The following CFAP299 variants were observed in gnomAD, a reference collection of about 807,000 sequenced individuals.
The protein encoded by CFAP299 is cilia and flagella associated protein 299.
CFAP299 carries 21 observed loss-of-function variants against 27.0 expected under a neutral mutation model. The ratio of observed to expected loss-of-function variants is 0.78; its 90% CI spans 0.55 to 1.12. The LOEUF (loss-of-function observed/expected upper bound fraction) is 1.12, where lower values mean the gene tolerates loss of function less well. CFAP299 is among the 50% of genes most tolerant of loss of function. The pLI, the probability that CFAP299 is intolerant of heterozygous loss-of-function variation, is 0.00. For synonymous variants in CFAP299, 104 were observed against 98.1 expected, an observed-to-expected ratio of 1.06 and a Z score of -0.36; for missense variants, 310 against 276.6, an observed-to-expected ratio of 1.12 and a Z score of -0.86.
chr4:80,861,558 T>G (rs1222699124), intron 3 of CFAP299, among the ~76,000 whole-genome samples: 2 of 152,288 alleles, frequency 1.3e-5, no homozygotes, highest in Non-Finnish European at 2.9e-5. Flanking sequence ...TCTTGGCTGC[T>G]CTCCAATCAT....
chr4:80,559,403 G>A (rs1048191705), intron 2 of CFAP299, among the ~76,000 whole-genome samples: 3 of 152,106 alleles, frequency 2.0e-5, no homozygotes, highest in African/African-American at 7.2e-5. Flanking sequence ...GAATATAAGG[G>A]AAGAGGTGGA....
At chr4:80,467,679 CTA>C (rs1171687074) in intron 2 of CFAP299, among the ~76,000 whole-genome samples, 1 of 152,162 alleles carries the variant, frequency 6.6e-6, no homozygotes, top group Non-Finnish European at 1.5e-5. Context: ...ATGCTAAGTG[CTA>C]TGATACAGGT....
chr4:80,522,881 T>C (rs908226572), intron 2 of CFAP299, among the ~76,000 whole-genome samples: 1 of 152,134 alleles, frequency 6.6e-6, no homozygotes, highest in Non-Finnish European at 1.5e-5. Flanking sequence ...TCCAGTACCA[T>C]ACTATTTTGA....
chr4:80,375,044 G>T (rs1724334860), intron 2 of CFAP299, among the ~76,000 whole-genome samples: 1 of 152,002 alleles, frequency 6.6e-6, no homozygotes, highest in Non-Finnish European at 1.5e-5. Context: ...TGCTAGAGTG[G>T]CTCCAAGAAA....
chr4:80,469,304 C>A (rs143547182), intron 2 of CFAP299, among the ~76,000 whole-genome samples: 3,183 of 152,264 alleles, frequency 0.021, 58 homozygotes, highest in Admixed American at 0.061. Context: ...GAGTTGACTG[C>A]CAGTGTGCTG....
At chr4:80,510,630 T>C (rs1419125267) in intron 2 of CFAP299, among the ~76,000 whole-genome samples, 1 of 152,172 alleles carries the variant, frequency 6.6e-6, no homozygotes, top group Non-Finnish European at 1.5e-5. Context: ...CAGCCTCTGC[T>C]TCTAGGTACT....
chr4:80,886,654 C>T (rs1733987146), intron 4 of CFAP299, among the ~76,000 whole-genome samples: 1 of 152,128 alleles, frequency 6.6e-6, no homozygotes, highest in Admixed American at 6.5e-5. Flanking sequence ...AAATAATTAA[C>T]TCATCAATGC....
At chr4:80,612,253 A>G (rs1384140274) in intron 3 of CFAP299, among the ~76,000 whole-genome samples, 2 of 151,998 alleles carry the variant, frequency 1.3e-5, no homozygotes, top group Non-Finnish European at 2.9e-5. Context: ...CTTCCTCTTC[A>G]GGAGAAAAAT....
chr4:80,583,247 T>C lies in CFAP299; in HGVS notation c.333+64T>C, dbSNP rs1334343156. On this transcript the variant is annotated intron_variant, in intron 3 of 5. Coordinates refer to ENST00000358105, the MANE Select transcript of CFAP299 (RefSeq NM_152770.3). The stretch of plus-strand genomic sequence containing the variant: ...TAAATGCACAATTAATATTAAAAAA[T>C]GTAACATTAAATATCTTTCTTAAAG... 10 of 899,954 alleles carry C rather than the reference T, an allele frequency of 1.1e-5. No homozygotes were observed. In the African/African-American group the frequency reaches 1.6e-4, roughly 14 times the overall value. 55.7% of individuals were successfully genotyped at this position (899,954 alleles called of 1,614,324 possible).
At chr4:80,443,298 C>T (rs1245233311) in intron 2 of CFAP299, among the ~76,000 whole-genome samples, 5 of 152,142 alleles carry the variant, frequency 3.3e-5, no homozygotes, top group Non-Finnish European at 5.9e-5. Context: ...ACTGGGAAAC[C>T]GAATCCAGCA....
rs184082410 is a variant in CFAP299, at chr4:80,680,217, C to T, written c.333+97034C>T. On this transcript the variant is annotated intron_variant, in intron 3 of 5. Transcript: ENST00000358105. The stretch of plus-strand genomic sequence containing the variant: ...TTTAATTTAGACATCTTTCCAAGAC[C>T]TATTCTAGTGCCTCTTAACCCCCTC... 2.7e-3 allele frequency among the ~76,000 whole-genome samples: 418 copies of T among 152,166 alleles called. 2 individuals carry two copies. The highest frequency in any genetic ancestry group is 4.9e-3 in the Non-Finnish European group (331 of 67,982).
chr4:80,334,166 A>G (rs1284684300), upstream of CFAP299, among the ~76,000 whole-genome samples: 1 of 152,226 alleles, frequency 6.6e-6, no homozygotes, highest in Non-Finnish European at 1.5e-5. Flanking sequence ...AGATTACTTC[A>G]TCAAAGAGAT....
chr4:80,475,065 A>G (rs1730207448), intron 2 of CFAP299, among the ~76,000 whole-genome samples: 2 of 152,068 alleles, frequency 1.3e-5, no homozygotes, highest in South Asian at 4.1e-4. Flanking sequence ...GGAAATAATG[A>G]CTTTGAAGGG....
intron 2 of CFAP299, among the ~76,000 whole-genome samples, chr4:80,503,624 G>A (rs1731847056): frequency 6.6e-6 from 1 of 152,062 alleles, no homozygotes; most frequent in African/African-American, 2.4e-5. Flanking sequence ...TAGGGTTGTT[G>A]TAAGGGTCAA....
In CFAP299 at chr4:80,391,758, A is replaced by G. The variant is rs1471787182; in HGVS notation, c.242+28874A>G. Reference sequence around the variant, plus strand: ...TAAGATGGGACTACTGCTTGATCCCAGGAGTTTGAGACCAGCCTGGGCAAA... The same window carrying G: ...TAAGATGGGACTACTGCTTGATCCCGGGAGTTTGAGACCAGCCTGGGCAAA... On this transcript the variant is annotated intron_variant, in intron 2 of 5. Transcript: ENST00000358105. Among the ~76,000 whole-genome samples the G allele has an allele frequency of 2.0e-5, 3 of 152,092 alleles. No individual in the cohort carries two copies. In the East Asian group the frequency reaches 5.8e-4, roughly 29 times the overall value.
At chr4:80,503,619 T>C (rs1731846921) in intron 2 of CFAP299, among the ~76,000 whole-genome samples, 1 of 152,004 alleles carries the variant, frequency 6.6e-6, no homozygotes, top group Non-Finnish European at 1.5e-5. Context: ...CATCATAGGG[T>C]TGTTGTAAGG....
intron 3 of CFAP299, among the ~76,000 whole-genome samples, chr4:80,692,575 C>G (rs1198229998): frequency 2.0e-5 from 3 of 152,090 alleles, no homozygotes; most frequent in African/African-American, 4.8e-5. Flanking sequence ...AACGTTAGAC[C>G]TAAAACCATA....
At chr4:80,766,929 A>G (rs1161320874) in intron 3 of CFAP299, among the ~76,000 whole-genome samples, 2 of 152,174 alleles carry the variant, frequency 1.3e-5, no homozygotes, top group Non-Finnish European at 2.9e-5. Flanking sequence ...GAAAGAGTAA[A>G]TTTCAGTTCT....
At chr4:80,601,866 G>A (rs1737368733) in intron 3 of CFAP299, among the ~76,000 whole-genome samples, 1 of 152,086 alleles carries the variant, frequency 6.6e-6, no homozygotes, top group Non-Finnish European at 1.5e-5. Context: ...AAGAAAATGT[G>A]GTATATATAC....
Sources: gnomAD v4.1 joint callset for allele counts (sites outside exome capture counted in the v4.1 genomes callset) on GRCh38, gnomAD v4.1.1 for gene constraint, MANE v1.5 for transcripts, NCBI Gene and HGNC (gene_info 2026-07-23, HGNC 2026-07-21) for gene names.